Variants in PRH1 observed in about 807,000 individuals in gnomAD.
PRH1 encodes proline rich protein HaeIII subfamily 1, also known as salivary acidic proline-rich phosphoprotein 1/2.
In PRH1, 7 loss-of-function variants were observed where a neutral mutation model predicts 7.9. The observed-to-expected ratio is 0.89, with a 90% CI of 0.50 to 1.67. PRH1 has a LOEUF of 1.67. Ranked by LOEUF, PRH1 falls within the 40% of genes most tolerant of loss-of-function variation. The pLI, the probability that PRH1 is intolerant of heterozygous loss-of-function variation, is 0.00. For synonymous variants in PRH1, 45 were observed against 80.8 expected, an observed-to-expected ratio of 0.56 and a Z score of 2.38; for missense variants, 109 against 223.6, an observed-to-expected ratio of 0.49 and a Z score of 3.27.
intron 2 of PRH1, among the ~76,000 whole-genome samples, chr12:10,920,437 T>A (rs1334959405): frequency 6.6e-6 from 1 of 152,162 alleles, no homozygotes. Flanking sequence ...ACTAAAGTAT[T>A]ATAGTTATGT....
intron 1 of PRH1, among the ~76,000 whole-genome samples, chr12:11,007,957 T>C (rs761371356): frequency 9.9e-5 from 15 of 152,114 alleles, no homozygotes; most frequent in Non-Finnish European, 1.8e-4. Flanking sequence ...AAGTTTCTTT[T>C]TAAAATGATG....
At chr12:10,897,487 C>A (rs770222530) in intron 2 of PRH1, among the ~76,000 whole-genome samples, 39 of 152,172 alleles carry the variant, frequency 2.6e-4, no homozygotes, top group Admixed American at 6.5e-4. Flanking sequence ...AAAACCCTAA[C>A]CTACAGAATC....
At chr12:11,089,127 T>C (rs1002008889) in intron 1 of PRH1, among the ~76,000 whole-genome samples, 1 of 115,432 alleles carries the variant, frequency 8.7e-6, no homozygotes, top group African/African-American at 2.9e-5. Flanking sequence ...TGTGCTTTCT[T>C]AGATTCCCTT....
At chr12:11,094,779 TG>T (rs1945037958) in intron 1 of PRH1, among the ~76,000 whole-genome samples, 1 of 115,374 alleles carries the variant, frequency 8.7e-6, no homozygotes, top group Non-Finnish European at 2.0e-5. Flanking sequence ...AATACAAAAC[TG>T]GGAAATTCCA....
At chr12:11,152,715 T>A (rs1281692443) in intron 1 of PRH1, among the ~76,000 whole-genome samples, 1 of 152,234 alleles carries the variant, frequency 6.6e-6, no homozygotes, top group Non-Finnish European at 1.5e-5. Flanking sequence ...GTGGGCAAAG[T>A]ATAATTTCCA....
chr12:11,138,187 C>G (rs1166123222), intron 1 of PRH1, among the ~76,000 whole-genome samples: 1 of 152,022 alleles, frequency 6.6e-6, no homozygotes, highest in East Asian at 1.9e-4. Flanking sequence ...ATACTCTATG[C>G]AATATACAGC....
intron 2 of PRH1, among the ~76,000 whole-genome samples, chr12:10,948,555 T>G (rs2135908683): frequency 6.6e-6 from 1 of 152,312 alleles, no homozygotes; most frequent in East Asian, 1.9e-4. Context: ...TTATTTTCCT[T>G]GGATTGGGTT....
chr12:11,022,152 C>G (rs1591827816), intron 1 of PRH1: 7 of 1,613,878 alleles, frequency 4.3e-6, no homozygotes, highest in Admixed American at 1.7e-5. Context: ...GATTACAAAT[C>G]AGAAATACCA....
chr12:11,021,660 C>G, intron 1 of PRH1: 1 of 1,601,162 alleles, frequency 6.2e-7, no homozygotes, highest in Non-Finnish European at 8.5e-7. Flanking sequence ...TTGAGGGTTT[C>G]TCTTCTTTCA....
chr12:11,161,013 T>TTACA (rs1327491324), intron 1 of PRH1, among the ~76,000 whole-genome samples: 1 of 152,180 alleles, frequency 6.6e-6, no homozygotes, highest in African/African-American at 2.4e-5. Flanking sequence ...CAAGCCTCTC[T>TTACA]TACAGATGCA....
At chr12:10,885,772 CTTTA>C (rs1949482955), upstream of PRH1, among the ~76,000 whole-genome samples, 7 of 152,148 alleles carry the variant, frequency 4.6e-5, no homozygotes, top group African/African-American at 1.7e-4. Context: ...CATGGTTAGT[CTTTA>C]TTTGAGGATA....
chr12:11,120,851 G>A (rs932129058), exon 2 of PRH1: 1 of 152,850 alleles, frequency 6.5e-6, no homozygotes, highest in African/African-American at 2.4e-5. Context: ...TTAGTCCACA[G>A]ATTCTGAATT....
At chr12:10,979,199 T>C (rs1277390689) in intron 1 of PRH1, among the ~76,000 whole-genome samples, 1 of 152,204 alleles carries the variant, frequency 6.6e-6, no homozygotes, top group Admixed American at 6.5e-5. Context: ...CAAGTTCCCA[T>C]GCCATGCAAT....
chr12:11,042,661 A>C, intron 1 of PRH1, among the ~76,000 whole-genome samples: 2 of 88,516 alleles, frequency 2.3e-5, no homozygotes, highest in African/African-American at 1.0e-4. Context: ...GCAGAGTCTC[A>C]CTCTGTCACC....
At chr12:11,170,825 A>G (rs1303257551) in intron 1 of PRH1, among the ~76,000 whole-genome samples, 1 of 152,240 alleles carries the variant, frequency 6.6e-6, no homozygotes, top group Non-Finnish European at 1.5e-5. Flanking sequence ...CCAAAGACTA[A>G]GATTGTGATC....
intron 1 of PRH1, among the ~76,000 whole-genome samples, chr12:11,073,402 G>A (rs139180973): frequency 0.017 from 2,169 of 128,312 alleles, 8 homozygotes; most frequent in South Asian, 0.031. Context: ...CCAAAGTGCT[G>A]GGATTACAGG....
intron 1 of PRH1, among the ~76,000 whole-genome samples, chr12:11,011,953 C>T (rs1247838681): frequency 1.3e-5 from 2 of 152,082 alleles, no homozygotes; most frequent in Non-Finnish European, 2.9e-5. Context: ...CCCTAATTTC[C>T]CAATCATGTT....
intron 1 of PRH1, among the ~76,000 whole-genome samples, chr12:11,161,098 T>C (rs187899584): frequency 6.6e-6 from 1 of 152,142 alleles, no homozygotes; most frequent in African/African-American, 2.4e-5. Context: ...CCATAAAAAT[T>C]TGCCATGCAT....
At chr12:11,091,531 G>A (rs768955631) in intron 1 of PRH1, 6 of 1,459,628 alleles carry the variant, frequency 4.1e-6, no homozygotes, top group Non-Finnish European at 5.7e-6. Flanking sequence ...ACAAGAGGAA[G>A]GAGATCACAG....
Sources: allele counts gnomAD v4.1 joint callset (sites outside exome capture counted in the v4.1 genomes callset), GRCh38; gene constraint gnomAD v4.1.1; transcripts MANE v1.5; gene names NCBI Gene and HGNC (gene_info 2026-07-23, HGNC 2026-07-21).